Variants in MDN1 observed in about 807,000 individuals in gnomAD.
MDN1 encodes the protein midasin AAA ATPase 1, also known as midasin.
Under a neutral mutation model 669.2 loss-of-function variants are expected in MDN1, and 266 were observed. The ratio of observed to expected loss-of-function variants is 0.40; its 90% CI spans 0.36 to 0.44. The LOEUF is 0.44. Ranked by LOEUF, MDN1 falls within the 20% of genes least tolerant of loss-of-function variation. MDN1 has a pLI of 1.00. For missense variants in MDN1, 5,940 were observed against 6,754.0 expected (o/e 0.88, Z 4.22); for synonymous variants, 2,385 against 2,457.1 (o/e 0.97, Z 0.87).
rs142508391 is a variant in MDN1, at chr6:89,724,345, C to T, written c.5671-726G>A. On this transcript the variant is annotated intron_variant, in intron 38 of 101. Transcript: ENST00000369393. ...TTGCCAAGGCTGGAGTACAATGGCG[C>T]GATCTCAGCTCACTGCAACCTCCGC... Among the ~76,000 whole-genome samples the T allele has an allele frequency of 8.5e-3, 1,286 of 151,948 alleles. 20 individuals carry two copies. Among genetic ancestry groups the T allele is most frequent in the African/African-American group, 0.029 (1,220 of 41,410 alleles).
chr6:89,775,312 A>G, intron 12 of MDN1, among the ~76,000 whole-genome samples: 1 of 152,242 alleles, frequency 6.6e-6, no homozygotes, highest in East Asian at 1.9e-4. Flanking sequence ...ATGAATATTC[A>G]TGGTGGTTTC....
At position 89,793,820 on chromosome 6, in the gene MDN1, C is replaced by A; in HGVS notation, c.797G>T (p.Arg266Met). 6.2e-7 allele frequency: 1 copy of A among 1,614,132 alleles called. No homozygotes were observed. Among genetic ancestry groups the A allele is most frequent in the South Asian group, 1.1e-5 (1 of 91,082 alleles). The change falls in exon 5 of 102, where the codon AGG becomes ATG. Residue 266 changes from arginine to methionine, a missense_variant. Physicochemically the swap from Arg to Met is moderately conservative, Grantham distance 91. This residue lies in a region of MDN1 where 1,203 missense variants were observed against 1,268.9 expected (regional missense o/e 0.95). Coordinates refer to ENST00000369393, the MANE Select transcript of MDN1 (RefSeq NM_014611.3). ...GHLVSSDLSP[R>M]VTAVCGVVLP... ...CACCACACCACAAACAGCTGTCACC[C>A]TAGGGGAGAGGTCAGACGAAACAAG...
At chr6:89,702,298 T>G (rs1023674427) in intron 53 of MDN1, among the ~76,000 whole-genome samples, 2 of 152,182 alleles carry the variant, frequency 1.3e-5, no homozygotes, top group Admixed American at 6.5e-5. Flanking sequence ...TCTTAGTATT[T>G]GAAGCATGAA....
chr6:89,678,028 C>G (rs1431736364), intron 75 of MDN1, among the ~76,000 whole-genome samples: 3 of 152,228 alleles, frequency 2.0e-5, no homozygotes, highest in Non-Finnish European at 4.4e-5. Flanking sequence ...AATCCCAGCA[C>G]TTTGGGAGGC....
At position 89,674,196 on chromosome 6, in the gene MDN1, C is replaced by T. The variant is rs773442543; in HGVS notation, c.13155G>A (p.Thr4385=). The T allele has an allele frequency of 5.0e-6, 8 of 1,614,222 alleles. No homozygotes were observed. The East Asian group carries it at 8.9e-5, about 18-fold the overall frequency. The part of the protein sequence containing the change: ...KQDHLWQQST[T]RLTEMLKTIK... ...TGGTTTTTAGCATCTCTGTTAATCT[C>T]GTAGTTGACTGTTGCCAAAGGTGAT... The change falls in exon 79 of 102, where the codon ACG becomes ACA. Residue 4385 remains threonine, a synonymous_variant. Coordinates refer to ENST00000369393, the MANE Select transcript of MDN1 (RefSeq NM_014611.3).
rs1472209512 is a variant in MDN1 at position 89,719,128 on chromosome 6, C to T, written c.6057+8G>A. The T allele has an allele frequency of 1.2e-6, 2 of 1,612,408 alleles. No homozygotes were observed. Among genetic ancestry groups the T allele is most frequent in the East Asian group, 2.2e-5 (1 of 44,862 alleles). On this transcript the variant is annotated splice_region_variant and intron_variant, in intron 41 of 101. Coordinates refer to ENST00000369393, the MANE Select transcript of MDN1 (RefSeq NM_014611.3). ...TCAAAGGATAGAGGATTATCCTAGTCTCCTTACCTGAACATCATAGGGAGT... is the reference window on the plus strand; with the variant it reads ...TCAAAGGATAGAGGATTATCCTAGTTTCCTTACCTGAACATCATAGGGAGT...
rs151108078 is a variant in MDN1 at position 89,684,966 on chromosome 6, T to C, written c.11739A>G (p.Leu3913=). The C allele has an allele frequency of 1.3e-4, 211 of 1,612,268 alleles. No homozygotes were observed. In the Middle Eastern group the frequency reaches 1.3e-3, roughly 10 times the overall value. The change falls in exon 71 of 102, where the codon CTA becomes CTG. Residue 3913 remains leucine, a synonymous_variant. Coordinates refer to ENST00000369393, the MANE Select transcript of MDN1 (RefSeq NM_014611.3). ...GCTTGTAATAATGGTACAAATTCCA[T>C]AGAACACTGCAAAGTGAATCTGGAA... ...VEGKDSLCSV[L]WNLYHYYKQF... is the part of the protein sequence containing the mutation.
Position 89,680,723 on chromosome 6 carries a change from G to A in MDN1, c.12131C>T (p.Ala4044Val). The A allele has an allele frequency of 1.2e-6, 2 of 1,614,128 alleles. No homozygotes were observed. Among genetic ancestry groups the A allele is most frequent in the Non-Finnish European group, 1.7e-6 (2 of 1,180,018 alleles). Residue 4044 changes from alanine to valine, a missense_variant, in exon 74 of 102, where the codon GCT (alanine) becomes GTT (valine). By Grantham distance (64) the Ala-to-Val change is moderately conservative. This residue lies in a region of MDN1 where 2,280 missense variants were observed against 2,576.3 expected (regional missense o/e 0.88). Transcript: ENST00000369393. ...CTCCCCTTCCAAGCCGGAAGGAGCA[G>A]CGCCCTGACACCACTCTGGAATTGT... ...QATIPEWCQGAAPSGLEGELL... is the reference protein window; with the variant it reads ...QATIPEWCQGVAPSGLEGELL...
Position 89,692,677 on chromosome 6 carries a change from A to C in MDN1, c.10353T>G (p.Thr3451=). The C allele has an allele frequency of 6.2e-7, 1 of 1,614,164 alleles. No homozygotes were observed. Among genetic ancestry groups the C allele is most frequent in the Non-Finnish European group, 8.5e-7 (1 of 1,180,010 alleles). ...ACAAAGTGTCTGCATGAGCATAGTA[A>C]GTCGGGAAGGTGGGGCCCACCGATG... ...AFPSVGPTFP[T]YYAHADTLCS... is the part of the protein sequence containing the mutation. The change falls in exon 63 of 102, where the codon ACT becomes ACG. Residue 3451 remains threonine (T), a synonymous_variant. Transcript: ENST00000369393.
intron 59 of MDN1, among the ~76,000 whole-genome samples, chr6:89,697,482 G>A (rs1355491248): frequency 2.0e-5 from 3 of 151,882 alleles, no homozygotes; most frequent in Non-Finnish European, 4.4e-5. Context: ...CTTGAGAGAT[G>A]ACAGAAAACT....
At chr6:89,651,115 A>G (rs892271386) in intron 95 of MDN1, among the ~76,000 whole-genome samples, 8 of 150,706 alleles carry the variant, frequency 5.3e-5, no homozygotes, top group African/African-American at 1.5e-4. Context: ...CAGGAGTTCG[A>G]GACCAGCCTG....
chr6:89,809,226 A>C (rs1293828630), intron 1 of MDN1, among the ~76,000 whole-genome samples: 1 of 151,672 alleles, frequency 6.6e-6, no homozygotes, highest in Non-Finnish European at 1.5e-5. Context: ...AAAAAAAAAA[A>C]AAAAAAAAAA....
intron 84 of MDN1, among the ~76,000 whole-genome samples, chr6:89,666,817 G>A (rs113262524): frequency 2.1e-4 from 32 of 152,254 alleles, no homozygotes; most frequent in African/African-American, 7.5e-4. Context: ...CTTAAAAATA[G>A]GATCTTAGGT....
chr6:89,675,265 G>A (rs1260253454), intron 78 of MDN1, 199 bp downstream of exon 78: 18 of 555,576 alleles, frequency 3.2e-5, no homozygotes, highest in East Asian at 9.2e-5. Context: ...TTCAGAGCAC[G>A]GAGGGAGAGG....
intron 35 of MDN1, 24 bp downstream of exon 35, chr6:89,730,702 T>A: frequency 6.3e-7 from 1 of 1,593,152 alleles, no homozygotes; most frequent in Non-Finnish European, 8.6e-7. Context: ...AAAGGAAAAT[T>A]CATTTTTTAA....
rs749800769 is a variant in MDN1 at position 89,701,949 on chromosome 6, T to C, written c.8261A>G (p.His2754Arg). ...AAGTCGGGGGATCTGGTGGACCAGA[T>C]GTTTTAAAACCCAGTGCCAATGGAG... The part of the protein sequence containing the change: ...LALHWHWVLK[H>R]LVHQIPRLLM... Residue 2754 changes from histidine (H) to arginine (R), a missense_variant, in exon 54 of 102, where the codon CAT becomes CGT. Transcript: ENST00000369393. The C allele has an allele frequency of 1.4e-5, 23 of 1,613,882 alleles. 1 individual carries two copies. In the Middle Eastern group the frequency reaches 2.6e-3, roughly 185 times the overall value.
intron 82 of MDN1, among the ~76,000 whole-genome samples, 174 bp from the exon 83 acceptor site, chr6:89,671,254 C>T (rs1810734685): frequency 6.6e-6 from 1 of 152,212 alleles, no homozygotes; most frequent in Non-Finnish European, 1.5e-5. Context: ...ACACACAGCT[C>T]ACTGAGATTT....
At chr6:89,701,131 G>A (rs1166686853) in intron 55 of MDN1, among the ~76,000 whole-genome samples, 9 of 152,250 alleles carry the variant, frequency 5.9e-5, no homozygotes, top group African/African-American at 1.9e-4. Flanking sequence ...TGTTATGTGC[G>A]GGTTCCGCAT....
At chr6:89,794,269 A>G (rs1584381401) in intron 3 of MDN1, 62 bp from the exon 4 acceptor site, 1 of 937,138 alleles carries the variant, frequency 1.1e-6, no homozygotes, top group East Asian at 2.4e-5. Flanking sequence ...GAATAAATAA[A>G]ATCCACTAGC....
Sources: allele counts gnomAD v4.1 joint callset (sites outside exome capture counted in the v4.1 genomes callset), GRCh38; gene constraint gnomAD v4.1.1; regional missense constraint gnomAD v4.1.1; transcripts MANE v1.5; gene names NCBI Gene and HGNC (gene_info 2026-07-23, HGNC 2026-07-21).